The following PPP4R4 variants were observed in gnomAD, a reference collection of about 807,000 sequenced individuals.
PPP4R4 encodes protein phosphatase 4 regulatory subunit 4, also known as serine/threonine-protein phosphatase 4 regulatory subunit 4.
In PPP4R4, 70 loss-of-function variants were observed where a neutral mutation model predicts 121.8. The observed-to-expected ratio is 0.57, with a 90% confidence interval of 0.47 to 0.70. The LOEUF (loss-of-function observed/expected upper bound fraction) is 0.70. Among genes scored for constraint, PPP4R4 ranks in the 30% least tolerant of loss-of-function variants. The probability of loss-of-function intolerance (pLI) is 0.00; values close to 1 mark genes in which losing one functional copy is unlikely to be tolerated. For synonymous variants in PPP4R4, 348 were observed against 355.7 expected (o/e 0.98, Z 0.24); for missense variants, 875 against 1,033.6 (o/e 0.85, Z 2.10).
At chr14:94,237,735 A>T (rs761088075) in intron 8 of PPP4R4, 49 bp downstream of exon 8, 6 of 1,573,282 alleles carry the variant, frequency 3.8e-6, no homozygotes. Context: ...GTTTTTCTAC[A>T]TGTTTTATGT....
chr14:94,206,461 G>A (rs117653704), intron 2 of PPP4R4, among the ~76,000 whole-genome samples: 1 of 152,056 alleles, frequency 6.6e-6, no homozygotes, highest in Non-Finnish European at 1.5e-5. Flanking sequence ...TATATTTAAT[G>A]TAATTGTTGA....
intron 3 of PPP4R4, among the ~76,000 whole-genome samples, chr14:94,228,759 G>A (rs114266776): frequency 0.011 from 1,679 of 152,292 alleles, 33 homozygotes; most frequent in African/African-American, 0.038. Flanking sequence ...CTTACTGAAT[G>A]CCTGCTGTGT....
At chr14:94,256,434 C>G (rs1227448276) in intron 16 of PPP4R4, 26 bp from the exon 17 acceptor site, 4 of 1,529,820 alleles carry the variant, frequency 2.6e-6, no homozygotes, top group Non-Finnish European at 3.6e-6. Context: ...TAACTTCACT[C>G]AAGAGTAAAT....
chr14:94,215,164 C>G (rs1890955086), intron 3 of PPP4R4, among the ~76,000 whole-genome samples: 1 of 152,036 alleles, frequency 6.6e-6, no homozygotes, highest in Non-Finnish European at 1.5e-5. Context: ...TTAGATATAT[C>G]CTTAAAAAAA....
In PPP4R4 at chr14:94,181,210, G is replaced by A. The variant is rs138499377; in HGVS notation, c.191+5083G>A. On this transcript the variant is annotated intron_variant, in intron 2 of 24. Coordinates refer to ENST00000304338, the MANE Select transcript of PPP4R4 (RefSeq NM_058237.2). ...CTTCCTTTCAGTATTGTTTTAGTGA[G>A]GCATGGTTTGTGTGTGTGTGTATGT... 1.3e-4 allele frequency among the ~76,000 whole-genome samples: 20 copies of A among 152,056 alleles called. No homozygotes were observed. In the East Asian group the frequency reaches 3.9e-3, roughly 29 times the overall value.
chr14:94,233,138 T>C (rs1892141590), intron 5 of PPP4R4, among the ~76,000 whole-genome samples: 2 of 152,056 alleles, frequency 1.3e-5, no homozygotes, highest in South Asian at 2.1e-4. Flanking sequence ...ATCTTCATAG[T>C]GTTTTATGGT....
intron 15 of PPP4R4, 107 bp from the exon 16 acceptor site, chr14:94,251,642 A>G: frequency 1.2e-6 from 1 of 850,752 alleles, no homozygotes; most frequent in Non-Finnish European, 1.7e-6. Context: ...TTGCTAGCCA[A>G]ATTGTGGGTA....
chr14:94,195,675 T>A (rs573961192), intron 2 of PPP4R4, among the ~76,000 whole-genome samples: 1 of 150,852 alleles, frequency 6.6e-6, no homozygotes, highest in East Asian at 1.9e-4. Context: ...AAATGATGAT[T>A]AAAAAAAAAT....
rs865980272 is a variant in PPP4R4, at chr14:94,196,314, T to G, written c.192-12150T>G. Among the ~76,000 whole-genome samples, 76 of 144,112 alleles carry G rather than the reference T, an allele frequency of 5.3e-4. 1 individual carries two copies. In the South Asian group the frequency reaches 9.4e-3, roughly 18 times the overall value. 94.5% of individuals were successfully genotyped at this position (144,112 alleles called of 152,430 possible). On this transcript the variant is annotated intron_variant, in intron 2 of 24. Coordinates refer to ENST00000304338, the MANE Select transcript of PPP4R4 (RefSeq NM_058237.2). The stretch of plus-strand genomic sequence containing the variant: ...TGTATTACTTTCTTTCAAAGGTTTT[T>G]TTTTTTTTTTTTTTTGGAGACAGAA...
chr14:94,271,095 T>A (rs1443016889), intron 23 of PPP4R4, among the ~76,000 whole-genome samples: 1 of 152,106 alleles, frequency 6.6e-6, no homozygotes, highest in Non-Finnish European at 1.5e-5. Context: ...CTACCAAATA[T>A]TTGAGGAATA....
chr14:94,177,621 C>A (rs1888749387), intron 2 of PPP4R4, among the ~76,000 whole-genome samples: 1 of 152,168 alleles, frequency 6.6e-6, no homozygotes, highest in South Asian at 2.1e-4. Flanking sequence ...TTAGTATAAA[C>A]ACTGGCTTAG....
At chr14:94,175,216 G>GC (rs981952906) in intron 1 of PPP4R4, among the ~76,000 whole-genome samples, 16 of 150,730 alleles carry the variant, frequency 1.1e-4, no homozygotes, top group Admixed American at 9.2e-4. Context: ...AGGTAGCCCG[G>GC]CCTCCCCTCG....
At chr14:94,258,755 A>G in intron 17 of PPP4R4, 28 bp from the exon 18 acceptor site, 1 of 1,476,872 alleles carries the variant, frequency 6.8e-7, no homozygotes, top group Non-Finnish European at 9.4e-7. Context: ...TAATTACTTT[A>G]GAATAATTTT....
intron 16 of PPP4R4, among the ~76,000 whole-genome samples, chr14:94,254,268 T>A (rs890303424): frequency 3.9e-5 from 6 of 152,178 alleles, no homozygotes; most frequent in African/African-American, 1.4e-4. Context: ...GTGCATAGAT[T>A]GTTAAGTGTT....
intron 3 of PPP4R4, among the ~76,000 whole-genome samples, chr14:94,214,413 T>C (rs1441701746): frequency 6.6e-6 from 1 of 151,824 alleles, no homozygotes; most frequent in African/African-American, 2.4e-5. Flanking sequence ...TCTCAGCTGC[T>C]CAGGAGGCTG....
Position 94,210,358 on chromosome 14 carries a change from A to T in PPP4R4, c.294+1792A>T, listed in dbSNP as rs190438480. 3.0e-3 allele frequency among the ~76,000 whole-genome samples: 449 copies of T among 151,974 alleles called. 1 individual carries two copies. The highest frequency in any genetic ancestry group is 7.7e-3 in the South Asian group (37 of 4,826). On this transcript the variant is annotated intron_variant, in intron 3 of 24. Coordinates refer to ENST00000304338, the MANE Select transcript of PPP4R4 (RefSeq NM_058237.2). ...ATACACTCATATGTATAGCGTATTT[A>T]TACAAAGAATCAAATGTATCTTTTG...
At chr14:94,193,889 G>A (rs935066370) in intron 2 of PPP4R4, among the ~76,000 whole-genome samples, 5 of 152,282 alleles carry the variant, frequency 3.3e-5, no homozygotes, top group African/African-American at 1.2e-4. Flanking sequence ...ACCGTGTGCT[G>A]CTTTGCTAGG....
At chr14:94,199,697 G>T (rs1890069071) in intron 2 of PPP4R4, among the ~76,000 whole-genome samples, 1 of 152,130 alleles carries the variant, frequency 6.6e-6, no homozygotes. Flanking sequence ...CTGCTTAGCA[G>T]CCCGCGCTCT....
chr14:94,210,983 A>G (rs776845735), intron 3 of PPP4R4, among the ~76,000 whole-genome samples: 19 of 152,084 alleles, frequency 1.2e-4, no homozygotes, highest in Non-Finnish European at 1.8e-4. Flanking sequence ...GTGAGTGTCT[A>G]CTTTCCAGTG....
Sources: allele counts gnomAD v4.1 joint callset (sites outside exome capture counted in the v4.1 genomes callset), GRCh38; gene constraint gnomAD v4.1.1; transcripts MANE v1.5; gene names NCBI Gene and HGNC (gene_info 2026-07-23, HGNC 2026-07-21).